NR1I2: variants seen among roughly 807,000 people sequenced by gnomAD.
NR1I2 encodes the protein orphan nuclear receptor PAR1.
In NR1I2, 42 loss-of-function variants were observed where a neutral mutation model predicts 43.3. The observed-to-expected ratio is 0.97, with a 90% CI of 0.76 to 1.26. NR1I2 has a LOEUF of 1.26. Ranked by LOEUF, NR1I2 falls within the 50% of genes most tolerant of loss-of-function variation. NR1I2 has a pLI of 0.00. For synonymous variants in NR1I2, 229 were observed against 215.0 expected, an observed-to-expected ratio of 1.06 and a Z score of -0.57; for missense variants, 559 against 566.7, an observed-to-expected ratio of 0.99 and a Z score of 0.14.
intron 6 of NR1I2, 92 bp from the exon 7 acceptor site, chr3:119,815,231 T>C (rs1377495676): frequency 6.3e-7 from 1 of 1,576,540 alleles, no homozygotes; most frequent in Non-Finnish European, 8.7e-7. Context: ...GGCAGGAAGA[T>C]GGAATGGTGG....
intron 2 of NR1I2, 65 bp downstream of exon 2, chr3:119,807,512 C>G: frequency 2.1e-6 from 3 of 1,414,738 alleles, no homozygotes; most frequent in Non-Finnish European, 3.0e-6. Flanking sequence ...GTCTCAGGGC[C>G]TCAGCTTGAC....
chr3:119,816,578 T>C (rs576107470), intron 8 of NR1I2, among the ~76,000 whole-genome samples: 2 of 152,190 alleles, frequency 1.3e-5, no homozygotes, highest in African/African-American at 4.8e-5. Context: ...CCCAGCACTT[T>C]GAGAGGTCAA....
intron 5 of NR1I2, among the ~76,000 whole-genome samples, chr3:119,813,448 C>T (rs1472224770): frequency 6.6e-6 from 1 of 152,160 alleles, no homozygotes; most frequent in African/African-American, 2.4e-5. Context: ...AGGCAACAAC[C>T]ATCGGGCAAC....
At chr3:119,797,858 A>G (rs976903788) in intron 1 of NR1I2, among the ~76,000 whole-genome samples, 1 of 152,218 alleles carries the variant, frequency 6.6e-6, no homozygotes, top group Non-Finnish European at 1.5e-5. Flanking sequence ...TTTACAATAG[A>G]AGGATAATTA....
intron 5 of NR1I2, 126 bp downstream of exon 5, chr3:119,813,086 C>T (rs1225575628): frequency 2.7e-6 from 3 of 1,100,694 alleles, no homozygotes; most frequent in Non-Finnish European, 4.0e-6. Context: ...TTTTCCTGTG[C>T]CCTTTCCCCG....
intron 2 of NR1I2, among the ~76,000 whole-genome samples, chr3:119,808,333 C>T (rs1203726486): frequency 6.6e-6 from 1 of 152,230 alleles, no homozygotes; most frequent in East Asian, 1.9e-4. Flanking sequence ...TCATTATGTT[C>T]AGCAGAAGCG....
rs558731395 is a variant in NR1I2 at position 119,804,196 on chromosome 3, C to T, written c.-22-3033C>T. On this transcript the variant is annotated intron_variant, in intron 1 of 8. Coordinates refer to ENST00000393716, the MANE Select transcript of NR1I2 (RefSeq NM_003889.4). ...ACCATCCTGGCCAACATGGTGAAAC[C>T]CTGTCTCTACTAAAAAAAATACAAA... Among the ~76,000 whole-genome samples, 4 of 150,458 alleles carry T rather than the reference C, an allele frequency of 2.7e-5. No homozygotes were observed. In the South Asian group the frequency reaches 8.3e-4, roughly 31 times the overall value.
In NR1I2 at chr3:119,810,208, G is replaced by T; in HGVS notation, c.331+14G>T. 1.3e-6 allele frequency: 2 copies of T among 1,584,742 alleles called. No homozygotes were observed. The highest frequency in any genetic ancestry group is 1.7e-6 in the Non-Finnish European group (2 of 1,165,572). On this transcript the variant is annotated intron_variant, in intron 3 of 8. Coordinates refer to ENST00000393716, the MANE Select transcript of NR1I2 (RefSeq NM_003889.4). Reference sequence around the variant, plus strand: ...TGAAGAAGGAGAGTGAGCAGTGGGCGCGCGGGCGGGCCGGCGCCGGGGTGC... The same window carrying T: ...TGAAGAAGGAGAGTGAGCAGTGGGCTCGCGGGCGGGCCGGCGCCGGGGTGC...
chr3:119,791,592 G>A (rs2054920084), intron 1 of NR1I2, among the ~76,000 whole-genome samples: 1 of 152,152 alleles, frequency 6.6e-6, no homozygotes, highest in Admixed American at 6.5e-5. Flanking sequence ...TGGTTTGGAT[G>A]TTTTATCCCT....
chr3:119,802,815 G>C (rs755057931), intron 1 of NR1I2: 17 of 451,604 alleles, frequency 3.8e-5, no homozygotes, highest in Non-Finnish European at 6.2e-5. Flanking sequence ...AATATATCTG[G>C]TGTGTAGTAG....
Position 119,807,399 on chromosome 3 carries a change from G to T in NR1I2, c.149G>T (p.Gly50Val), listed in dbSNP as rs890659419. 3 of 1,614,062 alleles carry T rather than the reference G, an allele frequency of 1.9e-6. No individual in the cohort carries two copies. Among genetic ancestry groups the T allele is most frequent in the African/African-American group, 2.7e-5 (2 of 74,928 alleles). ...CGTGTATGTGGGGACAAGGCCACTG[G>T]CTATCACTTCAATGTCATGACATGT... The change falls in exon 2 of 9, where the codon GGC (glycine) becomes GTC (valine). Residue 50 changes from glycine (G) to valine (V), a missense_variant. Physicochemically the swap from Gly to Val is moderately radical, Grantham distance 109. Coordinates refer to ENST00000393716, the MANE Select transcript of NR1I2 (RefSeq NM_003889.4).
chr3:119,809,801 G>A (rs976803685), intron 2 of NR1I2, among the ~76,000 whole-genome samples: 1 of 152,152 alleles, frequency 6.6e-6, no homozygotes, highest in Non-Finnish European at 1.5e-5. Context: ...CCGCGCCAGC[G>A]AAAAGCACGT....
At chr3:119,809,625 C>T (rs1252660547) in intron 2 of NR1I2, among the ~76,000 whole-genome samples, 1 of 151,956 alleles carries the variant, frequency 6.6e-6, no homozygotes, top group Non-Finnish European at 1.5e-5. Flanking sequence ...CAGGTTTCCT[C>T]AGCTCCCTCC....
chr3:119,792,090 A>C (rs761390803), intron 1 of NR1I2: 60 of 756,304 alleles, frequency 7.9e-5, no homozygotes, highest in Non-Finnish European at 1.4e-4. Flanking sequence ...TGTCAATATC[A>C]TTCCGTGCAT....
intron 3 of NR1I2, chr3:119,810,644 TG>T (rs2055227441): frequency 5.5e-6 from 1 of 182,648 alleles, no homozygotes; most frequent in Non-Finnish European, 1.2e-5. Flanking sequence ...ATAGGGGAAC[TG>T]TTTGCAGACA....
intron 3 of NR1I2, chr3:119,811,209 T>G: frequency 4.0e-6 from 1 of 248,972 alleles, no homozygotes; most frequent in Non-Finnish European, 7.8e-6. Context: ...TTGCTTGGGG[T>G]CACAGGTAGT....
In NR1I2 at chr3:119,782,613, C is replaced by T. The variant is rs145550283; in HGVS notation, c.-23+313C>T. 5.5e-5 allele frequency: 35 copies of T among 639,652 alleles called. 1 individual carries two copies. The East Asian group carries it at 9.6e-4, about 18-fold the overall frequency. 39.6% of individuals were successfully genotyped at this position (639,652 alleles called of 1,614,324 possible). A position where few individuals can be genotyped will look rare whatever the true frequency, so the allele number is the denominator to read the frequency against. On this transcript the variant is annotated intron_variant, in intron 1 of 8. Coordinates refer to ENST00000393716, the MANE Select transcript of NR1I2 (RefSeq NM_003889.4). ...CACACATACAACCAGCTCCCTGTTA[C>T]AGGGCTGGAGTCCCTGGACCCAGGA...
chr3:119,814,363 C>T (rs755004417), intron 5 of NR1I2, among the ~76,000 whole-genome samples: 21 of 152,322 alleles, frequency 1.4e-4, no homozygotes, highest in Non-Finnish European at 2.6e-4. Context: ...ATGGTTAGGC[C>T]TGTGCTTCAG....
chr3:119,810,049 A>G lies in NR1I2; in HGVS notation c.198-12A>G, dbSNP rs772140506. On this transcript the variant is annotated splice_polypyrimidine_tract_variant and intron_variant, in intron 2 of 8. Coordinates refer to ENST00000393716, the MANE Select transcript of NR1I2 (RefSeq NM_003889.4). ...CCGTGCATCCCCCCTTCTGCTCCCC[A>G]TTCTCTCACAGGAGGGCCATGAAAC... The G allele has an allele frequency of 1.9e-6, 3 of 1,613,432 alleles. No homozygotes were observed. The highest frequency in any genetic ancestry group is 2.5e-6 in the Non-Finnish European group (3 of 1,179,824).
Sources: gnomAD v4.1 joint callset for allele counts (sites outside exome capture counted in the v4.1 genomes callset) on GRCh38, gnomAD v4.1.1 for gene constraint, MANE v1.5 for transcripts, NCBI Gene and HGNC (gene_info 2026-07-23, HGNC 2026-07-21) for gene names.